The following GIPR variants were observed in gnomAD, a reference collection of about 807,000 sequenced individuals.
GIPR encodes GIP-R.
In GIPR, 74 loss-of-function variants were observed where a neutral mutation model predicts 62.2. That is an observed-to-expected ratio of 1.19 (90% CI 0.99 to 1.44). The LOEUF (loss-of-function observed/expected upper bound fraction) is 1.44, where lower values mean the gene tolerates loss of function less well. Ranked by LOEUF, GIPR falls within the 40% of genes most tolerant of loss-of-function variation. The probability of loss-of-function intolerance (pLI) is 0.00; values close to 1 mark genes in which losing one functional copy is unlikely to be tolerated. For missense variants in GIPR, 664 were observed against 611.8 expected, an observed-to-expected ratio of 1.09 and a Z score of -0.90; for synonymous variants, 256 against 262.2, an observed-to-expected ratio of 0.98 and a Z score of 0.23.
chr19:45,677,586 G>T, intron 9 of GIPR, 124 bp from the exon 10 acceptor site: 1 of 897,670 alleles, frequency 1.1e-6, no homozygotes. Context: ...GGATCGTAAT[G>T]GGCGGGACCT....
chr19:45,674,820 G>A lies in GIPR; in HGVS notation c.627G>A (p.Trp209Ter). Reference sequence around the variant, plus strand: ...TTGGGGACCAGGCCCTTGCGCTGTGGAACCAGGTGGGCATCCTCCTTCCGT... The same window carrying A: ...TTGGGGACCAGGCCCTTGCGCTGTGAAACCAGGTGGGCATCCTCCTTCCGT... Reference protein sequence around the residue: ...PYLGDQALALWNQALAACRTA... With the variant: ...PYLGDQALAL The change falls in exon 7 of 14, where the codon TGG (tryptophan) becomes TGA (stop). Residue 209 changes from tryptophan (W) to a stop codon, truncating the protein, a stop_gained. Coordinates refer to ENST00000590918, the MANE Select transcript of GIPR (RefSeq NM_000164.4). LOFTEE classifies it high-confidence loss of function. 2.5e-6 allele frequency: 4 copies of A among 1,613,932 alleles called. No individual in the cohort carries two copies. Among genetic ancestry groups the A allele is most frequent in the Non-Finnish European group, 3.4e-6 (4 of 1,179,926 alleles).
At chr19:45,674,992 A>T in intron 7 of GIPR, 166 bp downstream of exon 7, 59 of 606,478 alleles carry the variant, frequency 9.7e-5, no homozygotes, top group Middle Eastern at 2.9e-4. Context: ...ACATTTGGAG[A>T]GGGAACCTCC....
In GIPR at chr19:45,683,494, A is replaced by G. The variant is rs1350544696; in HGVS notation, c.*1559A>G. ...CTGTACATACACCCACAAGACCCTC[A>G]CCCCTAAATCCTCCCCCTACACATA... On this transcript the variant is annotated 3_prime_UTR_variant, in exon 14 of 14. Transcript: ENST00000590918. 1 of 152,074 alleles carries G rather than the reference A, an allele frequency of 6.6e-6. No individual in the cohort carries two copies. The highest frequency in any genetic ancestry group is 2.4e-5 in the African/African-American group (1 of 41,378). 9.4% of individuals were successfully genotyped at this position (152,074 alleles called of 1,614,324 possible).
intron 12 of GIPR, among the ~76,000 whole-genome samples, chr19:45,678,803 A>C (rs1404554712): frequency 6.6e-6 from 1 of 152,258 alleles, no homozygotes; most frequent in Non-Finnish European, 1.5e-5. Flanking sequence ...GACACAGCTG[A>C]GGCCAAATTC....
chr19:45,669,200 C>A (rs975630448), intron 1 of GIPR, among the ~76,000 whole-genome samples: 4 of 152,164 alleles, frequency 2.6e-5, no homozygotes, highest in Non-Finnish European at 4.4e-5. Flanking sequence ...AGCAAACACC[C>A]CCCCCTTCCA....
chr19:45,672,321 GT>G (rs1198872049), intron 4 of GIPR, among the ~76,000 whole-genome samples: 1 of 151,760 alleles, frequency 6.6e-6, no homozygotes, highest in Non-Finnish European at 1.5e-5. Flanking sequence ...TGTTTTTGTT[GT>G]TGTTGAGACA....
chr19:45,674,152 G>T lies in GIPR; in HGVS notation c.463G>T (p.Ala155Ser), dbSNP rs1975706542. The T allele has an allele frequency of 6.2e-7, 1 of 1,612,866 alleles. No homozygotes were observed. Among genetic ancestry groups the T allele is most frequent in the South Asian group, 1.1e-5 (1 of 91,054 alleles). Residue 155 changes from alanine (A) to serine (S), a missense_variant, in exon 6 of 14, where the codon GCC becomes TCC. Transcript: ENST00000590918. ...CCTGTCTCTCGCCACACTGCTGCTAGCCCTGCTCATCTTGAGTTTGTTCAG... is the reference window on the plus strand; with the variant it reads ...CCTGTCTCTCGCCACACTGCTGCTATCCCTGCTCATCTTGAGTTTGTTCAG... Reference protein sequence around the residue: ...YSLSLATLLLALLILSLFRRL... With the variant: ...YSLSLATLLLSLLILSLFRRL...
At chr19:45,677,295 T>TGGGGGGGGGGG in intron 8 of GIPR, 28 bp from the exon 9 acceptor site, 1 of 914,854 alleles carries the variant, frequency 1.1e-6, no homozygotes, top group Non-Finnish European at 1.6e-6. Context: ...TGCGGCGGGG[T>TGGGGGGGGGGG]GGGGGGGCGG....
intron 5 of GIPR, among the ~76,000 whole-genome samples, chr19:45,673,326 A>G (rs1046907793): frequency 6.7e-6 from 1 of 150,078 alleles, no homozygotes; most frequent in African/African-American, 2.5e-5. Flanking sequence ...GGGCTGAGAC[A>G]TGAGAATTGC....
chr19:45,680,328 C>T (rs61373376), intron 12 of GIPR, among the ~76,000 whole-genome samples: 17,783 of 151,974 alleles, frequency 0.12, 1,326 homozygotes, highest in Non-Finnish European at 0.16. Flanking sequence ...TGCCACTGCA[C>T]TCCAGCCTGG....
chr19:45,677,468 G>A, intron 9 of GIPR, 85 bp downstream of exon 9: 1 of 1,018,472 alleles, frequency 9.8e-7, no homozygotes, highest in Non-Finnish European at 1.5e-6. Flanking sequence ...ATGTGGGCAG[G>A]GTCGGAAGGC....
Position 45,678,377 on chromosome 19 carries a change from T to C in GIPR, c.1152+151T>C, listed in dbSNP as rs1967068899. On this transcript the variant is annotated intron_variant, in intron 12 of 13. Coordinates refer to ENST00000590918, the MANE Select transcript of GIPR (RefSeq NM_000164.4). Reference sequence around the variant, plus strand: ...TCATTAATTAATTCATTCTTTTTTTTTTTTGAGACGGATTCTCGCCCTGTC... The same window carrying C: ...TCATTAATTAATTCATTCTTTTTTTCTTTTGAGACGGATTCTCGCCCTGTC... The C allele has an allele frequency of 3.1e-6, 3 of 967,936 alleles. No individual in the cohort carries two copies. In the East Asian group the frequency reaches 7.9e-5, roughly 25 times the overall value. 60.0% of individuals were successfully genotyped at this position (967,936 alleles called of 1,614,324 possible).
rs530425581 is a variant in GIPR, at chr19:45,672,956, T to G, written c.384+2T>G. 4 of 1,539,672 alleles carry G rather than the reference T, an allele frequency of 2.6e-6. No homozygotes were observed. In the South Asian group the frequency reaches 4.5e-5, roughly 17 times the overall value. The stretch of plus-strand genomic sequence containing the variant: ...CCAGAGAAGAATGAGGCCTTTCTGG[T>G]AAGAAGAGGTGAGGGCTTCAGGTTA... On this transcript the variant is annotated splice_donor_variant, in intron 5 of 13. Transcript: ENST00000590918. LOFTEE classifies it high-confidence loss of function.
At chr19:45,669,020 G>A (rs11671664) in intron 1 of GIPR, among the ~76,000 whole-genome samples, 18,131 of 152,074 alleles carry the variant, frequency 0.12, 1,366 homozygotes, top group East Asian at 0.42. Context: ...CCCACTAGGG[G>A]GTACTGAAAA....
rs753645152 is a variant in GIPR, at chr19:45,674,779, C to T, written c.586C>T (p.Arg196Ter). The T allele has an allele frequency of 1.8e-5, 29 of 1,613,824 alleles. No homozygotes were observed. The highest frequency in any genetic ancestry group is 1.0e-4 in the Admixed American group (6 of 59,970). ...AILSRDRLLP[R>*]PGPYLGDQAL... is the part of the protein sequence containing the mutation. The stretch of plus-strand genomic sequence containing the variant: ...TCTCAGCCGAGACCGTCTGCTACCT[C>T]GACCTGGCCCCTACCTTGGGGACCA... Residue 196 changes from arginine to a stop codon, truncating the protein, a stop_gained, in exon 7 of 14, where the codon CGA (arginine) becomes TGA (stop). Coordinates refer to ENST00000590918, the MANE Select transcript of GIPR (RefSeq NM_000164.4). LOFTEE classifies it high-confidence loss of function.
intron 1 of GIPR, among the ~76,000 whole-genome samples, chr19:45,668,529 C>T (rs1280829284): frequency 2.0e-5 from 3 of 152,214 alleles, no homozygotes; most frequent in African/African-American, 7.2e-5. Flanking sequence ...GTCTCTGCCT[C>T]TTCTTTGTCT....
At chr19:45,672,632 T>G (rs1975600304) in intron 4 of GIPR, 1 of 502,974 alleles carries the variant, frequency 2.0e-6, no homozygotes, top group Non-Finnish European at 3.7e-6. Flanking sequence ...AATTTTCCCA[T>G]ATGTAGAACT....
chr19:45,677,978 C>G lies in GIPR; in HGVS notation c.997C>G (p.Arg333Gly). 1 of 1,613,854 alleles carries G rather than the reference C, an allele frequency of 6.2e-7. No individual in the cohort carries two copies. The highest frequency in any genetic ancestry group is 2.2e-5 in the East Asian group (1 of 44,874). The change falls in exon 11 of 14, where the codon CGG becomes GGG. Residue 333 changes from arginine (R) to glycine (G), a missense_variant. Coordinates refer to ENST00000590918, the MANE Select transcript of GIPR (RefSeq NM_000164.4). ...SKLRTRQMRC[R>G]DYRLRLARST... ...GCTGAGGACACGGCAAATGCGCTGC[C>G]GGGATTACCGGCTGAGGTGAGGGCA...
intron 5 of GIPR, among the ~76,000 whole-genome samples, chr19:45,673,574 A>G (rs775035819): frequency 5.3e-5 from 8 of 152,072 alleles, no homozygotes; most frequent in Non-Finnish European, 1.0e-4. Flanking sequence ...TACAAAAAAT[A>G]TAAAAATTTG....
Sources: allele counts gnomAD v4.1 joint callset (sites outside exome capture counted in the v4.1 genomes callset), GRCh38; gene constraint gnomAD v4.1.1; transcripts MANE v1.5; gene names NCBI Gene and HGNC (gene_info 2026-07-23, HGNC 2026-07-21).